PLXDC1: variants seen among roughly 807,000 people sequenced by gnomAD.
PLXDC1 encodes plexin domain containing 1, also known as plexin domain-containing protein 1.
In PLXDC1, 39 loss-of-function variants were observed where a neutral mutation model predicts 61.3. The observed-to-expected ratio is 0.64, with a 90% CI of 0.49 to 0.83. The LOEUF (loss-of-function observed/expected upper bound fraction) is 0.83, where lower values mean the gene tolerates loss of function less well. Ranked by LOEUF, PLXDC1 falls within the 40% of genes least tolerant of loss-of-function variation. The pLI, the probability that PLXDC1 is intolerant of heterozygous loss-of-function variation, is 0.00. For synonymous variants in PLXDC1, 212 were observed against 254.5 expected, an observed-to-expected ratio of 0.83 and a Z score of 1.59; for missense variants, 596 against 666.5, an observed-to-expected ratio of 0.89 and a Z score of 1.17.
intron 7 of PLXDC1, among the ~76,000 whole-genome samples, chr17:39,093,197 C>G (rs917878091): frequency 1.3e-5 from 2 of 152,096 alleles, no homozygotes; most frequent in African/African-American, 4.8e-5. Flanking sequence ...TCCCTGCCCC[C>G]AGCTCCACCT....
chr17:39,109,908 C>T (rs992947391), intron 2 of PLXDC1, among the ~76,000 whole-genome samples: 5 of 152,012 alleles, frequency 3.3e-5, no homozygotes, highest in African/African-American at 7.2e-5. Flanking sequence ...TTTGGGAGGC[C>T]GAGGCGGGCG....
chr17:39,072,441 T>C lies in PLXDC1; in HGVS notation c.1222+9A>G. 3.2e-6 allele frequency: 5 copies of C among 1,549,094 alleles called. No individual in the cohort carries two copies. Among genetic ancestry groups the C allele is most frequent in the Non-Finnish European group, 4.4e-6 (5 of 1,141,422 alleles). On this transcript the variant is annotated intron_variant, in intron 12 of 13. Coordinates refer to ENST00000315392, the MANE Select transcript of PLXDC1 (RefSeq NM_020405.5). ...GTCTGACGCTGAGGGCAGGCAGTTCTGTACTCACCGTCTCCTCCTGCATAG... is the reference window on the plus strand; with the variant it reads ...GTCTGACGCTGAGGGCAGGCAGTTCCGTACTCACCGTCTCCTCCTGCATAG...
At chr17:39,135,786 A>G (rs1413600822) in intron 2 of PLXDC1, among the ~76,000 whole-genome samples, 2 of 152,054 alleles carry the variant, frequency 1.3e-5, no homozygotes, top group Admixed American at 6.5e-5. Flanking sequence ...CAACAACAAC[A>G]ACAACAAATT....
intron 2 of PLXDC1, among the ~76,000 whole-genome samples, chr17:39,110,704 G>C (rs1294082652): frequency 6.6e-6 from 1 of 152,244 alleles, no homozygotes; most frequent in Middle Eastern, 3.2e-3. Flanking sequence ...TCCCTGCCAG[G>C]CTGCCAGCTG....
chr17:39,088,619 T>C (rs1052041112), intron 7 of PLXDC1, among the ~76,000 whole-genome samples: 1 of 152,006 alleles, frequency 6.6e-6, no homozygotes, highest in African/African-American at 2.4e-5. Flanking sequence ...GAACCATGAC[T>C]TGGGGTTGGT....
intron 13 of PLXDC1, among the ~76,000 whole-genome samples, chr17:39,069,102 A>G (rs1341416960): frequency 6.6e-6 from 1 of 151,998 alleles, no homozygotes; most frequent in African/African-American, 2.4e-5. Context: ...TGGCTTGTCT[A>G]TTTTATTTTT....
intron 1 of PLXDC1, among the ~76,000 whole-genome samples, chr17:39,143,894 G>T (rs1912011247): frequency 6.6e-6 from 1 of 152,200 alleles, no homozygotes; most frequent in Admixed American, 6.5e-5. Flanking sequence ...GTCTCTCTTG[G>T]GTGGGGCCCA....
At chr17:39,093,691 G>C (rs1910037864) in intron 7 of PLXDC1, among the ~76,000 whole-genome samples, 1 of 149,690 alleles carries the variant, frequency 6.7e-6, no homozygotes, top group South Asian at 2.1e-4. Flanking sequence ...ACTCCGGCCT[G>C]GGCGACAGAG....
Position 39,139,644 on chromosome 17 carries a change from C to G in PLXDC1, c.255+10G>C. 6.2e-7 allele frequency: 1 copy of G among 1,607,572 alleles called. No homozygotes were observed. The highest frequency in any genetic ancestry group is 1.1e-5 in the South Asian group (1 of 90,644). On this transcript the variant is annotated intron_variant, in intron 2 of 13. Transcript: ENST00000315392. The stretch of plus-strand genomic sequence containing the variant: ...ACTTCGCTCCCCCTCCATGTTCCTC[C>G]AGCACTCACCACCACCCTGGTCCTG...
At chr17:39,077,837 G>A in intron 11 of PLXDC1, 76 bp downstream of exon 11, 1 of 1,474,800 alleles carries the variant, frequency 6.8e-7, no homozygotes, top group Non-Finnish European at 9.4e-7. Context: ...GTCAGGGACA[G>A]AGAGGGGGCC....
intron 7 of PLXDC1, among the ~76,000 whole-genome samples, chr17:39,099,316 C>T (rs573735612): frequency 1.1e-4 from 16 of 152,244 alleles, no homozygotes; most frequent in South Asian, 6.2e-4. Flanking sequence ...CAGATGCTAC[C>T]GGGGATCTGA....
intron 11 of PLXDC1, 154 bp from the exon 12 acceptor site, chr17:39,072,639 A>T (rs111598775): frequency 1.5e-6 from 1 of 666,074 alleles, no homozygotes; most frequent in African/African-American, 1.8e-5. Context: ...CTCAAGTCAC[A>T]CAGCAGTTGA....
At chr17:39,109,464 C>T in intron 2 of PLXDC1, 73 bp from the exon 3 acceptor site, 20 of 1,512,516 alleles carry the variant, frequency 1.3e-5, no homozygotes, top group Non-Finnish European at 1.2e-5. Flanking sequence ...TCCGCCCTTC[C>T]CCACTCAGAT....
At chr17:39,075,035 C>A (rs1196666021) in intron 11 of PLXDC1, among the ~76,000 whole-genome samples, 3 of 152,174 alleles carry the variant, frequency 2.0e-5, no homozygotes, top group Non-Finnish European at 4.4e-5. Context: ...TCATAGCTCA[C>A]TGCAGCCTCA....
At chr17:39,069,504 A>G (rs1909028400) in intron 13 of PLXDC1, among the ~76,000 whole-genome samples, 1 of 152,170 alleles carries the variant, frequency 6.6e-6, no homozygotes, top group Non-Finnish European at 1.5e-5. Flanking sequence ...TTTGGGCATG[A>G]GAGACCATAA....
At chr17:39,092,997 C>T (rs11654291) in intron 7 of PLXDC1, among the ~76,000 whole-genome samples, 25,465 of 152,152 alleles carry the variant, frequency 0.17, 2,352 homozygotes, top group East Asian at 0.23. Flanking sequence ...TCCAGCACAC[C>T]CCTGCTGAGA....
intron 9 of PLXDC1, chr17:39,080,063 G>T (rs1484916709): frequency 1.3e-5 from 2 of 157,900 alleles, no homozygotes; most frequent in African/African-American, 2.4e-5. Context: ...GGTCCTCTAT[G>T]CCCACTACTT....
Position 39,072,502 on chromosome 17 carries a change from CAGAA to C in PLXDC1, c.1187-21_1187-18del. On this transcript the variant is annotated intron_variant, in intron 11 of 13. Coordinates refer to ENST00000315392, the MANE Select transcript of PLXDC1 (RefSeq NM_020405.5). ...TGGTGTCATCTTCAAAGAGAGAAGA[CAGAA>C]GGAGCAAGATTAGTGGAATCATTAC... The C allele has an allele frequency of 6.8e-7, 1 of 1,478,202 alleles. No individual in the cohort carries two copies. The highest frequency in any genetic ancestry group is 9.3e-7 in the Non-Finnish European group (1 of 1,077,322). 91.6% of individuals were successfully genotyped at this position (1,478,202 alleles called of 1,614,324 possible).
chr17:39,135,757 A>G (rs1385559839), intron 2 of PLXDC1, among the ~76,000 whole-genome samples: 2 of 152,100 alleles, frequency 1.3e-5, no homozygotes, highest in Non-Finnish European at 2.9e-5. Flanking sequence ...TTCGCCAGGA[A>G]CACATGGGGA....
Sources: gnomAD v4.1 joint callset for allele counts (sites outside exome capture counted in the v4.1 genomes callset) on GRCh38, gnomAD v4.1.1 for gene constraint, MANE v1.5 for transcripts, NCBI Gene and HGNC (gene_info 2026-07-23, HGNC 2026-07-21) for gene names.